PDXDC1: variants seen among roughly 807,000 people sequenced by gnomAD.
PDXDC1 encodes pyridoxal-dependent decarboxylase domain-containing protein 1.
Under a neutral mutation model 100.1 loss-of-function variants are expected in PDXDC1, and 42 were observed. The observed-to-expected ratio is 0.42, with a 90% CI of 0.33 to 0.54. The LOEUF (loss-of-function observed/expected upper bound fraction) is 0.54, where lower values mean the gene tolerates loss of function less well. PDXDC1 is among the 20% of genes least tolerant of loss of function. PDXDC1 has a pLI of 0.10. For missense variants in PDXDC1, 636 were observed against 979.2 expected (o/e 0.65, Z 4.68); for synonymous variants, 260 against 371.7 (o/e 0.70, Z 3.46).
At position 15,083,426 on chromosome 16, in the gene PDXDC1, G is replaced by A; in HGVS notation, c.1399+53370G>A. On this transcript the variant is annotated intron_variant, in intron 16 of 16. Coordinates refer to the PDXDC1 transcript ENST00000535621. Reference sequence around the variant, plus strand: ...AAAAGAAAAAGAAAAAGAAAGACTGGAAAAGAAAGAAAAAGACCTAATATC... The same window carrying A: ...AAAAGAAAAAGAAAAAGAAAGACTGAAAAAGAAAGAAAAAGACCTAATATC... The A allele has an allele frequency of 2.6e-6, 4 of 1,561,912 alleles. No homozygotes were observed. In the South Asian group the frequency reaches 3.6e-5, roughly 14 times the overall value.
At chr16:15,012,537 A>G (rs1201417027) in intron 8 of PDXDC1, among the ~76,000 whole-genome samples, 1 of 152,298 alleles carries the variant, frequency 6.6e-6, no homozygotes, top group African/African-American at 2.4e-5. Context: ...TCACCATGAG[A>G]CATTACTACA....
intron 16 of PDXDC1, chr16:15,135,826 C>T: frequency 1.3e-6 from 2 of 1,491,332 alleles, no homozygotes; most frequent in Non-Finnish European, 1.9e-6. Flanking sequence ...TCACATTGGC[C>T]TGGATGCTCC....
At chr16:15,003,671 C>T (rs1973666826) in intron 4 of PDXDC1, among the ~76,000 whole-genome samples, 1 of 152,286 alleles carries the variant, frequency 6.6e-6, no homozygotes, top group Admixed American at 6.5e-5. Flanking sequence ...TATTTATCTC[C>T]TGGAACTCAA....
intron 16 of PDXDC1, chr16:15,133,326 G>A (rs1207349387): frequency 3.5e-5 from 52 of 1,497,916 alleles, no homozygotes; most frequent in African/African-American, 4.1e-5. Context: ...TCGGCCTGCC[G>A]CAGCAGCCCC....
chr16:14,998,468 G>A (rs1051422973), intron 3 of PDXDC1, 63 bp downstream of exon 3: 91 of 1,556,016 alleles, frequency 5.8e-5, no homozygotes, highest in South Asian at 3.1e-4. Context: ...TTTCTGAGAT[G>A]GAGTCGTGCT....
chr16:15,062,987 G>C (rs1182279688), intron 16 of PDXDC1, among the ~76,000 whole-genome samples: 4 of 152,128 alleles, frequency 2.6e-5, no homozygotes, highest in Admixed American at 6.5e-5. Context: ...GGGATTACAG[G>C]TGTGCACCAC....
At position 15,048,109 on chromosome 16, in the gene PDXDC1, T is replaced by TA. The variant is rs529569319; in HGVS notation, c.1399+18063dup. ...GAAGTCTGGCTCTTTCCTGTTTAAT[T>TA]AAAAAAAAAATAAAATAGTGATGTA... On this transcript the variant is annotated intron_variant, in intron 16 of 16. Transcript: ENST00000535621. The TA allele has an allele frequency of 2.3e-3, 3,212 of 1,423,876 alleles. 4 individuals carry two copies. The highest frequency in any genetic ancestry group is 0.011 in the Middle Eastern group (61 of 5,418). 88.2% of individuals were successfully genotyped at this position (1,423,876 alleles called of 1,614,324 possible).
chr16:15,082,488 C>T (rs1024569850), intron 16 of PDXDC1, among the ~76,000 whole-genome samples: 7 of 152,074 alleles, frequency 4.6e-5, no homozygotes, highest in South Asian at 2.1e-4. Context: ...GTCTGGCCAA[C>T]GCGGCAAAAT....
At chr16:15,007,201 TGCTCTG>T (rs2040856059) in intron 6 of PDXDC1, among the ~76,000 whole-genome samples, 3 of 140,896 alleles carry the variant, frequency 2.1e-5, no homozygotes, top group African/African-American at 7.7e-5. Context: ...GACAGAGTCT[TGCTCTG>T]TCGCCCAGGC....
At chr16:15,097,592 A>T (rs555330689) in intron 16 of PDXDC1, among the ~76,000 whole-genome samples, 1 of 150,432 alleles carries the variant, frequency 6.6e-6, no homozygotes, top group South Asian at 2.1e-4. Flanking sequence ...CAGTGAGCCG[A>T]GATCGCGCCA....
At chr16:15,074,774 T>G (rs149452242) in intron 16 of PDXDC1, 1 of 1,614,104 alleles carries the variant, frequency 6.2e-7, no homozygotes, top group South Asian at 1.1e-5. Flanking sequence ...GACATCAGGA[T>G]GTCCAGGCGC....
At chr16:15,044,155 CAT>C (rs974058323) in intron 16 of PDXDC1, among the ~76,000 whole-genome samples, 14 of 152,288 alleles carry the variant, frequency 9.2e-5, no homozygotes, top group Non-Finnish European at 1.8e-4. Flanking sequence ...CCTCCCTACA[CAT>C]GAGCTCCACG....
intron 16 of PDXDC1, among the ~76,000 whole-genome samples, chr16:15,055,305 C>T (rs887439078): frequency 1.3e-5 from 2 of 152,222 alleles, no homozygotes; most frequent in African/African-American, 4.8e-5. Flanking sequence ...TGCATCAGGG[C>T]GTGGTCCTAT....
intron 16 of PDXDC1, among the ~76,000 whole-genome samples, chr16:15,124,312 C>T (rs1022166774): frequency 2.0e-5 from 3 of 152,184 alleles, no homozygotes; most frequent in Non-Finnish European, 4.4e-5. Context: ...CAGAGTGTGC[C>T]CAAACTCTCT....
At chr16:15,140,759 G>A (rs537850776), downstream of PDXDC1, among the ~76,000 whole-genome samples, 8 of 152,156 alleles carry the variant, frequency 5.3e-5, no homozygotes, top group South Asian at 2.1e-4. Context: ...CAAGCACCTC[G>A]GGGGTCACCC....
rs960200792 is a variant in PDXDC1, at chr16:15,137,436, C to T, written c.1400-1443C>T. On this transcript the variant is annotated intron_variant, in intron 16 of 16. Transcript: ENST00000535621. The stretch of plus-strand genomic sequence containing the variant: ...CCCTGGCCGGTGGAGAAGCAGAAGG[C>T]GCTGCAGGCCTCTGGCTGAAGCAGG... 132 of 1,289,444 alleles carry T rather than the reference C, an allele frequency of 1.0e-4. No individual in the cohort carries two copies. In the Admixed American group the frequency reaches 1.2e-3, roughly 12 times the overall value. 79.9% of individuals were successfully genotyped at this position (1,289,444 alleles called of 1,614,324 possible).
At chr16:15,030,912 C>A (rs2151634005) in intron 16 of PDXDC1, among the ~76,000 whole-genome samples, 1 of 152,052 alleles carries the variant, frequency 6.6e-6, no homozygotes, top group African/African-American at 2.4e-5. Flanking sequence ...GGCCGCCCAC[C>A]CCCAGAGATT....
chr16:15,141,199 C>T (rs549307307), downstream of PDXDC1, among the ~76,000 whole-genome samples: 4 of 152,338 alleles, frequency 2.6e-5, no homozygotes, highest in South Asian at 2.1e-4. Context: ...ACCGGAGCTC[C>T]GCTCCCGCAG....
Position 15,006,432 on chromosome 16 carries a change from G to C in PDXDC1, c.428G>C (p.Arg143Thr). 6.2e-7 allele frequency: 1 copy of C among 1,601,362 alleles called. No homozygotes were observed. Among genetic ancestry groups the C allele is most frequent in the Non-Finnish European group, 8.5e-7 (1 of 1,170,320 alleles). Residue 143 changes from arginine to threonine, a missense_variant, in exon 6 of 23, where the codon AGA becomes ACA. Arg to Thr is a moderately conservative substitution (Grantham distance 71, BLOSUM62 -1). Around this residue, in one of 4 missense-constraint regions of PDXDC1, gnomAD observed 125 missense variants for 479.9 expected, o/e 0.26. Transcript: ENST00000396410. ...NGCAYFHEEE[R>T]EGLAKICRLA... ...TGTGCTTATTTCCACGAAGAGGAAAGAGAAGGACTTGCAAAGATATGTAGG... is the reference window on the plus strand; with the variant it reads ...TGTGCTTATTTCCACGAAGAGGAAACAGAAGGACTTGCAAAGATATGTAGG...
Sources: allele counts gnomAD v4.1 joint callset (sites outside exome capture counted in the v4.1 genomes callset), GRCh38; gene constraint gnomAD v4.1.1; regional missense constraint gnomAD v4.1.1; transcripts MANE v1.5; gene names NCBI Gene and HGNC (gene_info 2026-07-23, HGNC 2026-07-21).